SAMD3: variants seen among roughly 807,000 people sequenced by gnomAD.
SAMD3 encodes the protein sterile alpha motif domain-containing protein 3.
Under a neutral mutation model 58.5 loss-of-function variants are expected in SAMD3, and 63 were observed. The observed-to-expected ratio is 1.08, with a 90% CI of 0.88 to 1.33. The LOEUF (loss-of-function observed/expected upper bound fraction) is 1.33. Ranked by LOEUF, SAMD3 falls within the 40% of genes most tolerant of loss-of-function variation. The pLI is 0.00. For missense variants in SAMD3, 604 were observed against 608.4 expected, an observed-to-expected ratio of 0.99 and a Z score of 0.08; for synonymous variants, 220 against 210.3, an observed-to-expected ratio of 1.05 and a Z score of -0.40.
At chr6:130,314,035 G>T (rs1350622124) in intron 1 of SAMD3, among the ~76,000 whole-genome samples, 5 of 152,178 alleles carry the variant, frequency 3.3e-5, no homozygotes, top group African/African-American at 9.7e-5. Flanking sequence ...AGGAGCAATA[G>T]TAAACATGTG....
chr6:130,190,587 T>C (rs1223132296), intron 5 of SAMD3, among the ~76,000 whole-genome samples: 8 of 151,982 alleles, frequency 5.3e-5, no homozygotes, highest in African/African-American at 1.9e-4. Flanking sequence ...AATAGCAGAA[T>C]GGAGATTTAG....
At chr6:130,282,527 G>C (rs1775015570) in intron 2 of SAMD3, among the ~76,000 whole-genome samples, 3 of 152,196 alleles carry the variant, frequency 2.0e-5, no homozygotes, top group South Asian at 4.1e-4. Context: ...ATCCTCATGG[G>C]AACAGAAACT....
intron 2 of SAMD3, among the ~76,000 whole-genome samples, chr6:130,231,960 A>G (rs554816472): frequency 1.3e-5 from 2 of 152,324 alleles, no homozygotes; most frequent in East Asian, 3.9e-4. Context: ...CCTCATGGTT[A>G]CTGAGCATTT....
At chr6:130,299,081 G>T (rs1434104881) in intron 2 of SAMD3, among the ~76,000 whole-genome samples, 5 of 152,040 alleles carry the variant, frequency 3.3e-5, no homozygotes, top group Non-Finnish European at 5.9e-5. Context: ...AAGAAACTCT[G>T]GACTTAAATT....
chr6:130,170,480 G>A lies in SAMD3; in HGVS notation c.822+5361C>T, dbSNP rs901647399. 4.6e-5 allele frequency among the ~76,000 whole-genome samples: 7 copies of A among 152,098 alleles called. No individual in the cohort carries two copies. In the East Asian group the frequency reaches 5.8e-4, roughly 13 times the overall value. ...ATTTGGGTTGGTTCCAAGTCTTTGC[G>A]ATTGTAAATACTGGTAGCTTGATGG... On this transcript the variant is annotated intron_variant, in intron 8 of 11. Transcript: ENST00000439090.
chr6:130,350,961 A>T (rs1469429669), intron 1 of SAMD3, among the ~76,000 whole-genome samples: 1 of 152,166 alleles, frequency 6.6e-6, no homozygotes, highest in Non-Finnish European at 1.5e-5. Context: ...ACCCATCAAA[A>T]CCAAGCAATG....
chr6:130,255,672 T>C (rs993253460), intron 2 of SAMD3, among the ~76,000 whole-genome samples: 7 of 152,144 alleles, frequency 4.6e-5, no homozygotes, highest in Admixed American at 1.3e-4. Context: ...TTCTTTTTGA[T>C]AGATAGACAC....
intron 2 of SAMD3, among the ~76,000 whole-genome samples, chr6:130,262,293 A>T (rs1301075520): frequency 6.6e-6 from 1 of 151,568 alleles, no homozygotes; most frequent in East Asian, 1.9e-4. Context: ...CTGCTTTGCT[A>T]ACAGAAAAAA....
At chr6:130,183,548 CTA>C (rs1160629221) in intron 7 of SAMD3, 5 of 383,690 alleles carry the variant, frequency 1.3e-5, no homozygotes, top group African/African-American at 1.1e-4. Flanking sequence ...CTTTCTCTTT[CTA>C]TGTGTCACAT....
At chr6:130,266,190 A>G (rs137959454) in intron 2 of SAMD3, among the ~76,000 whole-genome samples, 62 of 152,310 alleles carry the variant, frequency 4.1e-4, no homozygotes, top group African/African-American at 1.5e-3. Context: ...CTGAGCCATT[A>G]TTTCAAACCT....
chr6:130,269,073 T>C (rs1307556635), intron 2 of SAMD3, among the ~76,000 whole-genome samples: 1 of 152,222 alleles, frequency 6.6e-6, no homozygotes, highest in Non-Finnish European at 1.5e-5. Context: ...TTTCTTATTC[T>C]TAAATTCTTA....
intron 7 of SAMD3, 29 bp from the exon 8 acceptor site, chr6:130,176,037 T>C: frequency 3.8e-6 from 6 of 1,575,148 alleles, no homozygotes; most frequent in Non-Finnish European, 5.2e-6. Context: ...CAGTTAATCT[T>C]CAAGGAGATT....
chr6:130,249,871 C>G (rs559064865), intron 2 of SAMD3, among the ~76,000 whole-genome samples: 1 of 152,268 alleles, frequency 6.6e-6, no homozygotes, highest in South Asian at 2.1e-4. Context: ...AAGCAAGACT[C>G]TAGCCATTTA....
In SAMD3 at chr6:130,349,326, C is replaced by T. The variant is rs372579480; in HGVS notation, c.-304+15794G>A. Among the ~76,000 whole-genome samples, 656 of 151,880 alleles carry T rather than the reference C, an allele frequency of 4.3e-3. 7 individuals are homozygous for T. Among genetic ancestry groups the T allele is most frequent in the African/African-American group, 0.014 (600 of 41,414 alleles). ...GAAAAGATCAACAAAATTGATAGAC[C>T]GCTAGCAAGACTAATAAAGAAGAAA... On this transcript the variant is annotated intron_variant, in intron 1 of 13. Coordinates refer to the SAMD3 transcript ENST00000368134.
intron 1 of SAMD3, among the ~76,000 whole-genome samples, chr6:130,361,015 G>A (rs1583156481): frequency 6.6e-6 from 1 of 152,114 alleles, no homozygotes; most frequent in East Asian, 1.9e-4. Flanking sequence ...CTTTTTTCAA[G>A]GTGCCCAGAT....
intron 1 of SAMD3, among the ~76,000 whole-genome samples, chr6:130,337,655 C>T (rs964207652): frequency 4.6e-5 from 7 of 152,170 alleles, no homozygotes; most frequent in Non-Finnish European, 7.3e-5. Flanking sequence ...AAAATGCTGA[C>T]AGCAATGTGG....
At position 130,214,526 on chromosome 6, in the gene SAMD3, T is replaced by G; in HGVS notation, c.80A>C (p.Glu27Ala). ...NLGELVHRFQ[E>A]EEVSGAALLA... ...AAGAGCGGCCCCACTTACTTCTTCC[T>G]CTGGGAAAAAGAAAAAAAATTAGTT... The change falls in exon 4 of 12, where the codon GAG becomes GCG. Residue 27 changes from glutamate to alanine, a missense_variant and splice_region_variant. Physicochemically the swap from Glu to Ala is moderately radical, Grantham distance 107 (BLOSUM62 -1). Coordinates refer to ENST00000439090, the MANE Select transcript of SAMD3 (RefSeq NM_001017373.4). 1 of 1,572,816 alleles carries G rather than the reference T, an allele frequency of 6.4e-7. No individual in the cohort carries two copies. Among genetic ancestry groups the G allele is most frequent in the Non-Finnish European group, 8.6e-7 (1 of 1,163,252 alleles).
Position 130,197,696 on chromosome 6 carries a change from C to T in SAMD3, c.383+11799G>A, listed in dbSNP as rs551380238. 3.3e-5 allele frequency among the ~76,000 whole-genome samples: 5 copies of T among 152,252 alleles called. No individual in the cohort carries two copies. In the South Asian group the frequency reaches 6.2e-4, roughly 19 times the overall value. On this transcript the variant is annotated intron_variant, in intron 5 of 11. Transcript: ENST00000439090. ...TAGGTTCCCATGCCACCCCTAATCCCGCTCGAAGCAGCCCTGAGAAACATC... is the reference window on the plus strand; with the variant it reads ...TAGGTTCCCATGCCACCCCTAATCCTGCTCGAAGCAGCCCTGAGAAACATC...
At chr6:130,157,166 G>A (rs1238632076) in intron 8 of SAMD3, among the ~76,000 whole-genome samples, 2 of 151,650 alleles carry the variant, frequency 1.3e-5, no homozygotes, top group African/African-American at 4.8e-5. Flanking sequence ...CTAAACATGT[G>A]TAAACGTCAT....
Sources: gnomAD v4.1 joint callset for allele counts (sites outside exome capture counted in the v4.1 genomes callset) on GRCh38, gnomAD v4.1.1 for gene constraint, MANE v1.5 for transcripts, NCBI Gene and HGNC (gene_info 2026-07-23, HGNC 2026-07-21) for gene names.